DNAL4: variants seen among roughly 807,000 people sequenced by gnomAD.
DNAL4 encodes dynein light chain, outer arm 4.
A neutral mutation model predicts 12.6 loss-of-function variants in DNAL4; 10 were observed. That is an observed-to-expected ratio of 0.79 (90% CI 0.49 to 1.34). The LOEUF is 1.34. DNAL4 is among the 40% of genes most tolerant of loss of function. DNAL4 has a pLI of 0.00. For missense variants in DNAL4, 128 were observed against 138.1 expected, an observed-to-expected ratio of 0.93 and a Z score of 0.37; for synonymous variants, 46 against 53.1, an observed-to-expected ratio of 0.87 and a Z score of 0.58.
chr22:38,781,292 A>G (rs1266492037), intron 2 of DNAL4, among the ~76,000 whole-genome samples: 10 of 152,246 alleles, frequency 6.6e-5, no homozygotes. Flanking sequence ...CTGAGGGCGG[A>G]GGGAATGCTG....
intron 1 of DNAL4, among the ~76,000 whole-genome samples, chr22:38,790,624 A>G (rs1378371367): frequency 1.3e-5 from 2 of 152,210 alleles, no homozygotes; most frequent in Non-Finnish European, 2.9e-5. Flanking sequence ...GAAGCCATCA[A>G]GTCCAACTAT....
rs767311573 is a variant in DNAL4, at chr22:38,780,918, G to C, written c.153+8C>G. On this transcript the variant is annotated splice_region_variant and intron_variant, in intron 3 of 3. Transcript: ENST00000216068. ...AGCACGAGGGGCCGCCTGCACTGCT[G>C]GCAATACCTCGTTGTTGTTGGAGAA... 3 of 1,614,204 alleles carry C rather than the reference G, an allele frequency of 1.9e-6. No individual in the cohort carries two copies. The Admixed American group carries it at 5.0e-5, about 27-fold the overall frequency.
At chr22:38,783,876 C>T (rs576826737) in intron 1 of DNAL4, among the ~76,000 whole-genome samples, 5 of 152,262 alleles carry the variant, frequency 3.3e-5, no homozygotes, top group South Asian at 4.1e-4. Context: ...ACTAAAGAGA[C>T]GGGCCTGGAC....
chr22:38,790,298 TA>T (rs2093048625), intron 1 of DNAL4, among the ~76,000 whole-genome samples: 2 of 152,220 alleles, frequency 1.3e-5, no homozygotes, highest in Admixed American at 6.5e-5. Context: ...CCAGGGGTAT[TA>T]ATGTCACAGG....
At chr22:38,784,903 A>T (rs1292189618) in intron 1 of DNAL4, among the ~76,000 whole-genome samples, 1 of 150,708 alleles carries the variant, frequency 6.6e-6, no homozygotes, top group Non-Finnish European at 1.5e-5. Flanking sequence ...TCTTGATTTG[A>T]TCCCCGCTCC....
Position 38,780,956 on chromosome 22 carries a change from T to C in DNAL4, c.123A>G (p.Thr41=). 1 of 1,614,250 alleles carries C rather than the reference T, an allele frequency of 6.2e-7. No individual in the cohort carries two copies. Among genetic ancestry groups the C allele is most frequent in the Non-Finnish European group, 8.5e-7 (1 of 1,180,028 alleles). The change falls in exon 3 of 4, where the codon ACA becomes ACG. Residue 41 remains threonine (T), a synonymous_variant. Transcript: ENST00000216068. ...MRVETMELCV[T]ACEKFSNNNE... is the part of the protein sequence containing the mutation. ...TGTTGTTGGAGAATTTCTCACAGGCTGTGACACATAGCTCCATGGTCTCCA... is the reference window on the plus strand; with the variant it reads ...TGTTGTTGGAGAATTTCTCACAGGCCGTGACACATAGCTCCATGGTCTCCA...
chr22:38,783,854 G>A (rs773882352), intron 1 of DNAL4, among the ~76,000 whole-genome samples: 3 of 152,150 alleles, frequency 2.0e-5, no homozygotes, highest in Non-Finnish European at 2.9e-5. Flanking sequence ...TTCCCTAACC[G>A]ACGGGGCTTC....
chr22:38,779,691 A>G lies in DNAL4; in HGVS notation c.154-78T>C, dbSNP rs944189179. 1 of 1,494,392 alleles carries G rather than the reference A, an allele frequency of 6.7e-7. No homozygotes were observed. Among genetic ancestry groups the G allele is most frequent in the African/African-American group, 1.4e-5 (1 of 71,576 alleles). 92.6% of individuals were successfully genotyped at this position (1,494,392 alleles called of 1,614,324 possible). The stretch of plus-strand genomic sequence containing the variant: ...GTCAGGTCCTTCTCCAGGAAGGAGA[A>G]GGCTGGCACTGAGGTCTTGGCAAGA... On this transcript the variant is annotated intron_variant, in intron 3 of 3. Coordinates refer to ENST00000216068, the MANE Select transcript of DNAL4 (RefSeq NM_005740.3). This position sits in a 1 kb window ranked among gnomAD's most constrained non-coding sequence, Gnocchi z 4.3.
chr22:38,781,485 C>T (rs1349631568), intron 2 of DNAL4, among the ~76,000 whole-genome samples: 1 of 152,102 alleles, frequency 6.6e-6, no homozygotes, highest in African/African-American at 2.4e-5. Flanking sequence ...CTCCCATCTC[C>T]AGCGACTCCA....
intron 1 of DNAL4, among the ~76,000 whole-genome samples, chr22:38,789,100 C>T (rs1464668084): frequency 6.6e-6 from 1 of 152,070 alleles, no homozygotes; most frequent in Non-Finnish European, 1.5e-5. Flanking sequence ...CCAGAATGGG[C>T]GATCTACATA....
chr22:38,784,650 A>G (rs899640497), intron 1 of DNAL4, among the ~76,000 whole-genome samples: 7 of 151,832 alleles, frequency 4.6e-5, no homozygotes, highest in Non-Finnish European at 1.0e-4. Flanking sequence ...AGCTGGGACT[A>G]CAGGCGCCCA....
At chr22:38,788,010 C>G (rs1412659483) in intron 1 of DNAL4, among the ~76,000 whole-genome samples, 1 of 152,156 alleles carries the variant, frequency 6.6e-6, no homozygotes, top group Non-Finnish European at 1.5e-5. Flanking sequence ...GGAGACAAGC[C>G]AGTAACACAG....
intron 1 of DNAL4, among the ~76,000 whole-genome samples, chr22:38,793,757 G>A (rs533511989): frequency 6.6e-6 from 1 of 152,300 alleles, no homozygotes; most frequent in Admixed American, 6.5e-5. Flanking sequence ...AAAGGTCGAG[G>A]GATCAAGGTG....
At chr22:38,790,561 G>GT (rs1262093387) in intron 1 of DNAL4, among the ~76,000 whole-genome samples, 1 of 152,182 alleles carries the variant, frequency 6.6e-6, no homozygotes, top group African/African-American at 2.4e-5. Context: ...GCAGATGGAG[G>GT]TATCTAGTCA....
chr22:38,782,838 G>A lies in DNAL4; in HGVS notation c.-107C>T. On this transcript the variant is annotated 5_prime_UTR_variant, in exon 2 of 4. Transcript: ENST00000216068. This position sits in a 1 kb window ranked among gnomAD's most constrained non-coding sequence, Gnocchi z 5.1. ...TCAGGAAGCAGGCCCTGCCAACTCG[G>A]TGGGAGCAGAAAATGTCTTTCCCCG... is the stretch of plus-strand genomic sequence containing the variant. The A allele has an allele frequency of 1.9e-6, 2 of 1,055,356 alleles. No homozygotes were observed. The highest frequency in any genetic ancestry group is 2.7e-6 in the Non-Finnish European group (2 of 738,318). The allele number at this position is 1,055,356 out of a possible 1,614,324, so 65.4% of individuals were successfully genotyped here.
intron 1 of DNAL4, among the ~76,000 whole-genome samples, chr22:38,789,597 T>C (rs918516137): frequency 1.3e-5 from 2 of 152,054 alleles, no homozygotes; most frequent in African/African-American, 4.8e-5. Context: ...TTTCAACTAC[T>C]CGACTATAAT....
intron 1 of DNAL4, among the ~76,000 whole-genome samples, chr22:38,789,448 T>C (rs572879491): frequency 5.3e-5 from 8 of 152,248 alleles, no homozygotes; most frequent in African/African-American, 1.9e-4. Flanking sequence ...GCTAATTTTT[T>C]TATTTTTTGG....
intron 3 of DNAL4, among the ~76,000 whole-genome samples, chr22:38,780,467 AC>A (rs955658298): frequency 5.9e-5 from 9 of 152,140 alleles, no homozygotes; most frequent in Non-Finnish European, 1.2e-4. Context: ...CTGCCGCAAC[AC>A]TGACTTCTCG....
At position 38,782,750 on chromosome 22, in the gene DNAL4, A is replaced by G. The variant is rs2093036275; in HGVS notation, c.-19T>C. 1.2e-6 allele frequency: 2 copies of G among 1,601,526 alleles called. No homozygotes were observed. Among genetic ancestry groups the G allele is most frequent in the Non-Finnish European group, 1.7e-6 (2 of 1,175,202 alleles). On this transcript the variant is annotated 5_prime_UTR_variant, in exon 2 of 4. Transcript: ENST00000216068. This position sits in a 1 kb window ranked among gnomAD's most constrained non-coding sequence, Gnocchi z 5.1. ...CTCCCATGATCCTTCCACTGTGACC[A>G]CTGGAGGAGAGTGGGGCTTTCAGGA...
Sources: gnomAD v4.1 joint callset for allele counts (sites outside exome capture counted in the v4.1 genomes callset) on GRCh38, gnomAD v4.1.1 for gene constraint, Gnocchi (gnomAD v3.1) non-coding constraint, MANE v1.5 for transcripts, NCBI Gene and HGNC (gene_info 2026-07-23, HGNC 2026-07-21) for gene names.